The following CSMD1 variants were observed in gnomAD, a reference collection of about 807,000 sequenced individuals.
CSMD1 encodes CUB and Sushi multiple domains 1, also known as CUB and sushi domain-containing protein 1.
Under a neutral mutation model 417.5 loss-of-function variants are expected in CSMD1, and 213 were observed. The observed-to-expected ratio is 0.51, with a 90% CI of 0.46 to 0.57. The LOEUF is 0.57. CSMD1 is among the 20% of genes least tolerant of loss of function. The pLI, the probability that CSMD1 is intolerant of heterozygous loss-of-function variation, is 0.00. For synonymous variants in CSMD1, 2,862 were observed against 1,736.8 expected (o/e 1.65, Z -16.11); for missense variants, 6,923 against 4,529.7 (o/e 1.53, Z -15.17).
At chr8:3,675,068 C>G (rs182022786) in intron 7 of CSMD1, among the ~76,000 whole-genome samples, 1 of 152,152 alleles carries the variant, frequency 6.6e-6, no homozygotes, top group African/African-American at 2.4e-5. Context: ...GGAAACCTGA[C>G]GAATACCGTC....
At chr8:3,589,355 C>A (rs77848975) in intron 8 of CSMD1, among the ~76,000 whole-genome samples, 2,599 of 149,548 alleles carry the variant, frequency 0.017, 79 homozygotes, top group African/African-American at 0.059. Flanking sequence ...CAACACTGGA[C>A]TGAGAAATGG....
intron 5 of CSMD1, among the ~76,000 whole-genome samples, chr8:3,901,160 T>C (rs1807724088): frequency 6.6e-6 from 1 of 152,216 alleles, no homozygotes; most frequent in African/African-American, 2.4e-5. Context: ...AGAAATAGTA[T>C]ATCCTCAGCA....
intron 1 of CSMD1, among the ~76,000 whole-genome samples, chr8:4,890,197 A>T (rs1804016360): frequency 6.6e-6 from 1 of 152,150 alleles, no homozygotes. Context: ...TCAATATCTC[A>T]TAAACACACT....
intron 1 of CSMD1, among the ~76,000 whole-genome samples, chr8:4,773,237 G>T (rs1284002945): frequency 2.0e-5 from 3 of 152,058 alleles, no homozygotes; most frequent in Admixed American, 6.6e-5. Context: ...TTCAGACTTT[G>T]GGGTATTTCA....
intron 29 of CSMD1, among the ~76,000 whole-genome samples, chr8:3,218,357 C>T (rs186971409): frequency 1.3e-5 from 2 of 151,120 alleles, no homozygotes; most frequent in African/African-American, 2.4e-5. Context: ...GTCAGGAGAT[C>T]GAGATCATCC....
At chr8:3,830,983 C>T (rs750477895) in intron 5 of CSMD1, among the ~76,000 whole-genome samples, 8 of 152,076 alleles carry the variant, frequency 5.3e-5, no homozygotes, top group Non-Finnish European at 8.8e-5. Flanking sequence ...CACATGGTCA[C>T]CTTTTCCTTC....
intron 5 of CSMD1, among the ~76,000 whole-genome samples, chr8:3,864,843 T>C (rs983475740): frequency 3.3e-5 from 5 of 152,192 alleles, no homozygotes; most frequent in Non-Finnish European, 4.4e-5. Flanking sequence ...CCTAGACATT[T>C]TCCTAGTTTT....
chr8:3,036,908 T>G (rs6983771), intron 50 of CSMD1, among the ~76,000 whole-genome samples: 41,017 of 152,086 alleles, frequency 0.27, 5,808 homozygotes, highest in Non-Finnish European at 0.3. Flanking sequence ...GGGATTTCAG[T>G]GCACCTGTCA....
Position 3,592,220 on chromosome 8 carries a change from T to C in CSMD1, c.1098-5960A>G, listed in dbSNP as rs79114492. 3.5e-3 allele frequency among the ~76,000 whole-genome samples: 534 copies of C among 152,098 alleles called. 3 individuals carry two copies. The highest frequency in any genetic ancestry group is 0.012 in the African/African-American group (506 of 41,512). On this transcript the variant is annotated intron_variant, in intron 8 of 69. Coordinates refer to ENST00000635120, the MANE Select transcript of CSMD1 (RefSeq NM_033225.6). ...ATGGACAGAAAGATAAACAAGTGGA[T>C]AGATAGATACATAGATGGATAGATA...
In CSMD1 at chr8:3,720,833, CGA is replaced by C. The variant is rs1006052519; in HGVS notation, c.932-12344_932-12343del. Reference sequence around the variant, plus strand: ...ATCTAACGTTTGAGACTTTTTTTTTCGAGAGTCTCGCTCTGTTGCCCAGGTTG... The same window carrying C: ...ATCTAACGTTTGAGACTTTTTTTTTCGAGTCTCGCTCTGTTGCCCAGGTTG... On this transcript the variant is annotated intron_variant, in intron 6 of 69. Coordinates refer to ENST00000635120, the MANE Select transcript of CSMD1 (RefSeq NM_033225.6). 1.1e-4 allele frequency among the ~76,000 whole-genome samples: 17 copies of C among 149,942 alleles called. 1 individual carries two copies. Among genetic ancestry groups the C allele is most frequent in the Admixed American group, 3.3e-4 (5 of 15,138 alleles).
intron 2 of CSMD1, among the ~76,000 whole-genome samples, chr8:4,432,194 A>G (rs1797909837): frequency 6.6e-6 from 1 of 152,236 alleles, no homozygotes; most frequent in Non-Finnish European, 1.5e-5. Context: ...AGTTTGAAAA[A>G]GTAAAATTGG....
chr8:4,770,893 T>C (rs972215928), intron 1 of CSMD1, among the ~76,000 whole-genome samples: 2 of 152,106 alleles, frequency 1.3e-5, no homozygotes, highest in African/African-American at 4.8e-5. Flanking sequence ...ACATTGGCCT[T>C]GACGATGATT....
At chr8:4,806,256 T>G (rs528177102) in intron 1 of CSMD1, among the ~76,000 whole-genome samples, 1 of 152,304 alleles carries the variant, frequency 6.6e-6, no homozygotes, top group South Asian at 2.1e-4. Context: ...TCATGCAGTG[T>G]GCACATGCTC....
In CSMD1 at chr8:3,304,535, T is replaced by G. The variant is rs149128960; in HGVS notation, c.3950+3160A>C. On this transcript the variant is annotated intron_variant, in intron 25 of 69. Transcript: ENST00000635120. ...TAAGTTGATTGTCAATTGAGGAAAT[T>G]AAGGATAAACATGGATGGCTACCCT... 1.8e-3 allele frequency among the ~76,000 whole-genome samples: 274 copies of G among 152,276 alleles called. 1 individual carries two copies. The highest frequency in any genetic ancestry group is 6.4e-3 in the African/African-American group (264 of 41,568).
chr8:4,511,351 C>A (rs574579483), intron 2 of CSMD1, among the ~76,000 whole-genome samples: 1 of 152,286 alleles, frequency 6.6e-6, no homozygotes, highest in East Asian at 1.9e-4. Flanking sequence ...AGAGGAGGGG[C>A]ATGCAGGCTT....
intron 39 of CSMD1, among the ~76,000 whole-genome samples, chr8:3,152,299 C>T (rs143460410): frequency 4.6e-5 from 7 of 152,274 alleles, no homozygotes; most frequent in East Asian, 3.9e-4. Context: ...TGATACAAGA[C>T]GAAGCATTTG....
At chr8:4,795,386 C>A (rs1266018623) in intron 1 of CSMD1, among the ~76,000 whole-genome samples, 1 of 148,538 alleles carries the variant, frequency 6.7e-6, no homozygotes, top group African/African-American at 2.5e-5. Context: ...ATTCTCCTGC[C>A]TCAGCCTTCC....
At chr8:4,001,792 G>A (rs1423604358) in intron 4 of CSMD1, among the ~76,000 whole-genome samples, 4 of 151,996 alleles carry the variant, frequency 2.6e-5, no homozygotes, top group East Asian at 1.9e-4. Context: ...GACAAGTGGT[G>A]AAATTTAAGG....
At chr8:4,734,563 T>G (rs945437531) in intron 1 of CSMD1, among the ~76,000 whole-genome samples, 1 of 152,186 alleles carries the variant, frequency 6.6e-6, no homozygotes, top group Non-Finnish European at 1.5e-5. Context: ...TATAAGTAAA[T>G]GCTGGGTATT....
Sources: allele counts gnomAD v4.1 joint callset (sites outside exome capture counted in the v4.1 genomes callset), GRCh38; gene constraint gnomAD v4.1.1; transcripts MANE v1.5; gene names NCBI Gene and HGNC (gene_info 2026-07-23, HGNC 2026-07-21).